LEPR: variants seen among roughly 807,000 people sequenced by gnomAD.
LEPR encodes leptin receptor.
A neutral mutation model predicts 114.7 loss-of-function variants in LEPR; 56 were observed. The ratio of observed to expected loss-of-function variants is 0.49; its 90% CI spans 0.39 to 0.61. LEPR has a LOEUF of 0.61. LEPR is among the 20% of genes least tolerant of loss of function. LEPR has a pLI of 0.00. For synonymous variants in LEPR, 443 were observed against 461.4 expected (o/e 0.96, Z 0.51); for missense variants, 1,202 against 1,352.9 (o/e 0.89, Z 1.75).
At chr1:65,449,634 C>T (rs1646756093) in intron 2 of LEPR, among the ~76,000 whole-genome samples, 1 of 151,746 alleles carries the variant, frequency 6.6e-6, no homozygotes, top group African/African-American at 2.4e-5. Flanking sequence ...CCCAGCTTCC[C>T]TCCGGCAACT....
intron 2 of LEPR, among the ~76,000 whole-genome samples, chr1:65,454,641 C>A: frequency 6.6e-6 from 1 of 152,156 alleles, no homozygotes; most frequent in East Asian, 1.9e-4. Context: ...AGGGTTTCTG[C>A]CGAGAGATCC....
At chr1:65,538,426 C>CGATT (rs1206048460) in intron 2 of LEPR, among the ~76,000 whole-genome samples, 4 of 152,096 alleles carry the variant, frequency 2.6e-5, no homozygotes, top group African/African-American at 7.2e-5. Flanking sequence ...TTTGTAACCA[C>CGATT]GATTTCCTGA....
intron 1 of LEPR, chr1:65,421,586 A>T: frequency 1.9e-6 from 2 of 1,076,696 alleles, no homozygotes; most frequent in Non-Finnish European, 2.7e-6. Context: ...ATAAACATGT[A>T]GATAGTATAT....
In LEPR at chr1:65,631,330, C is replaced by T. The variant is rs115991159; in HGVS notation, c.2674-4861C>T. 7.4e-3 allele frequency among the ~76,000 whole-genome samples: 1,122 copies of T among 152,178 alleles called. 17 individuals carry two copies. Among genetic ancestry groups the T allele is most frequent in the African/African-American group, 0.026 (1,082 of 41,528 alleles). On this transcript the variant is annotated intron_variant, in intron 19 of 19. Coordinates refer to ENST00000349533, the MANE Select transcript of LEPR (RefSeq NM_002303.6). ...TAGGCCCCAGTTTCCAGCCACAGTT[C>T]TCTTGTCTTCATGTGTTTTTACGTG...
At chr1:65,516,324 A>T (rs1649282459) in intron 2 of LEPR, among the ~76,000 whole-genome samples, 1 of 152,136 alleles carries the variant, frequency 6.6e-6, no homozygotes, top group African/African-American at 2.4e-5. Flanking sequence ...CACACCTGTA[A>T]TCCCAGCTAC....
chr1:65,432,724 ATTT>A (rs771686222), intron 2 of LEPR: 1 of 780,484 alleles, frequency 1.3e-6, no homozygotes, highest in Non-Finnish European at 1.6e-6. Context: ...AATAAGTGTG[ATTT>A]TTTTTTAAAG....
At chr1:65,634,665 T>G in intron 19 of LEPR, 3 of 978,086 alleles carry the variant, frequency 3.1e-6, no homozygotes, top group Non-Finnish European at 3.6e-6. Context: ...ACACATCATT[T>G]GAAGGACATA....
intron 2 of LEPR, chr1:65,433,517 A>G: frequency 2.0e-6 from 2 of 985,476 alleles, no homozygotes; most frequent in Non-Finnish European, 2.4e-6. Flanking sequence ...ACTGAAATAC[A>G]TTCAAAACAC....
intron 2 of LEPR, among the ~76,000 whole-genome samples, chr1:65,453,096 G>T (rs1415508501): frequency 1.3e-5 from 2 of 152,290 alleles, no homozygotes; most frequent in African/African-American, 4.8e-5. Context: ...TCTGATGGTA[G>T]TTTGTATTTC....
chr1:65,589,096 A>T (rs1186792886), intron 5 of LEPR, among the ~76,000 whole-genome samples: 1 of 152,006 alleles, frequency 6.6e-6, no homozygotes, highest in African/African-American at 2.4e-5. Flanking sequence ...GTCTTTTTTT[A>T]AAATTTTAAC....
At chr1:65,517,261 A>G (rs1649338128) in intron 2 of LEPR, among the ~76,000 whole-genome samples, 1 of 152,240 alleles carries the variant, frequency 6.6e-6, no homozygotes, top group Non-Finnish European at 1.5e-5. Context: ...TCTGAAAGTC[A>G]GAGCAGAGCA....
intron 2 of LEPR, among the ~76,000 whole-genome samples, chr1:65,462,889 A>T (rs1342368718): frequency 6.6e-6 from 1 of 152,058 alleles, no homozygotes. Context: ...TAGATTCCAG[A>T]TATTAGCCTT....
At chr1:65,468,766 A>ACATGCGGATG (rs1647046940) in intron 2 of LEPR, among the ~76,000 whole-genome samples, 1 of 152,230 alleles carries the variant, frequency 6.6e-6, no homozygotes, top group South Asian at 2.1e-4. Context: ...GTGTATGTGC[A>ACATGCGGATG]CATGCGGATG....
intron 2 of LEPR, among the ~76,000 whole-genome samples, chr1:65,476,472 C>T (rs1326004452): frequency 1.3e-5 from 2 of 152,136 alleles, no homozygotes; most frequent in Non-Finnish European, 2.9e-5. Flanking sequence ...TAAAGGTCTA[C>T]TGAATGAAAG....
chr1:65,521,993 G>A (rs1171277), intron 2 of LEPR, among the ~76,000 whole-genome samples: 31,102 of 151,984 alleles, frequency 0.2, 3,555 homozygotes, highest in Middle Eastern at 0.34. Flanking sequence ...CCAGCTACTC[G>A]GAAGGCTTTT....
At chr1:65,449,716 A>G (rs1229692487) in intron 2 of LEPR, among the ~76,000 whole-genome samples, 14 of 148,224 alleles carry the variant, frequency 9.4e-5, no homozygotes, top group Admixed American at 6.1e-4. Context: ...TTTTAGTTTC[A>G]TTGATTTTTT....
chr1:65,536,095 T>A (rs1480584811), intron 2 of LEPR, among the ~76,000 whole-genome samples: 1 of 152,198 alleles, frequency 6.6e-6, no homozygotes, highest in Non-Finnish European at 1.5e-5. Flanking sequence ...GAAACTTGAT[T>A]CCCAGTGTTA....
chr1:65,432,155 T>C lies in LEPR; in HGVS notation c.-21+6777T>C, dbSNP rs79395241. On this transcript the variant is annotated intron_variant, in intron 2 of 19. Coordinates refer to ENST00000349533, the MANE Select transcript of LEPR (RefSeq NM_002303.6). ...TATGTTACTTGTTTGGCTGTTCATG[T>C]AGTCACGGTGCTCTCAGAAAATATA... 1.4e-3 allele frequency: 1,704 copies of C among 1,175,858 alleles called. 12 individuals carry two copies. The African/African-American group carries it at 0.019, about 13-fold the overall frequency. The allele number at this position is 1,175,858 out of a possible 1,614,324, so 72.8% of individuals were successfully genotyped here.
At chr1:65,604,082 A>AGG (rs1656643742) in intron 10 of LEPR, among the ~76,000 whole-genome samples, 1 of 152,106 alleles carries the variant, frequency 6.6e-6, no homozygotes, top group Non-Finnish European at 1.5e-5. Context: ...TATTTTAAAT[A>AGG]TTCTATCACT....
Sources: allele counts gnomAD v4.1 joint callset (sites outside exome capture counted in the v4.1 genomes callset), GRCh38; gene constraint gnomAD v4.1.1; transcripts MANE v1.5; gene names NCBI Gene and HGNC (gene_info 2026-07-23, HGNC 2026-07-21).